Variants in GMDS observed in about 807,000 individuals in gnomAD.
The protein encoded by GMDS is GDP-mannose 4,6-dehydratase, also known as GDP-mannose 4,6 dehydratase.
In GMDS, 20 loss-of-function variants were observed where a neutral mutation model predicts 49.9. The observed-to-expected ratio is 0.40, with a 90% confidence interval of 0.28 to 0.58. GMDS has a LOEUF of 0.58. GMDS is among the 20% of genes least tolerant of loss of function. GMDS has a pLI of 0.42. For synonymous variants in GMDS, 177 were observed against 178.6 expected, an observed-to-expected ratio of 0.99 and a Z score of 0.07; for missense variants, 362 against 481.4, an observed-to-expected ratio of 0.75 and a Z score of 2.32.
At chr6:1,912,103 C>G (rs1761093724) in intron 7 of GMDS, among the ~76,000 whole-genome samples, 1 of 152,214 alleles carries the variant, frequency 6.6e-6, no homozygotes, top group Non-Finnish European at 1.5e-5. Context: ...TGGTGGCTCA[C>G]TTCTCCAATC....
chr6:2,082,664 T>A (rs1027448510), intron 4 of GMDS, among the ~76,000 whole-genome samples: 2 of 152,216 alleles, frequency 1.3e-5, no homozygotes, highest in African/African-American at 4.8e-5. Context: ...TGGTTATGGG[T>A]CACAAAATCA....
At chr6:2,106,680 T>C (rs1055528675) in intron 4 of GMDS, among the ~76,000 whole-genome samples, 1 of 152,052 alleles carries the variant, frequency 6.6e-6, no homozygotes, top group Non-Finnish European at 1.5e-5. Context: ...CTGGCCAACA[T>C]GGTGAAACCC....
chr6:1,958,390 C>T (rs148717092), intron 6 of GMDS, among the ~76,000 whole-genome samples: 8 of 152,082 alleles, frequency 5.3e-5, no homozygotes, highest in East Asian at 1.9e-4. Flanking sequence ...GGGATTACCA[C>T]GACTGAGCAG....
rs1347039946 is a variant in GMDS, at chr6:1,652,399, TA to T, written c.988-27860del. The stretch of plus-strand genomic sequence containing the variant: ...AAAAAAAATATATATATATTATATA[TA>T]TATATATATTATATATAATATATAT... On this transcript the variant is annotated intron_variant, in intron 9 of 10. Transcript: ENST00000380815. 5.2e-3 allele frequency among the ~76,000 whole-genome samples: 26 copies of T among 4,970 alleles called. 3 individuals are homozygous for T. The highest frequency in any genetic ancestry group is 0.013 in the African/African-American group (26 of 1,998). The allele number at this position is 4,970 out of a possible 152,430, so 3.3% of individuals were successfully genotyped here. A position where few individuals can be genotyped will look rare whatever the true frequency, so the allele number is the denominator to read the frequency against.
chr6:1,816,816 TGGA>T (rs1368501767), intron 7 of GMDS, among the ~76,000 whole-genome samples: 2 of 151,492 alleles, frequency 1.3e-5, no homozygotes, highest in African/African-American at 2.4e-5. Context: ...TTTAAAGTGG[TGGA>T]GGTCTTTCTT....
intron 2 of GMDS, among the ~76,000 whole-genome samples, chr6:2,122,869 T>G (rs1775217441): frequency 6.6e-6 from 1 of 152,232 alleles, no homozygotes; most frequent in South Asian, 2.1e-4. Flanking sequence ...CTCCTAAACC[T>G]GTTTTCTCTC....
At chr6:1,879,279 CAAG>C (rs1759249171) in intron 7 of GMDS, among the ~76,000 whole-genome samples, 1 of 151,922 alleles carries the variant, frequency 6.6e-6, no homozygotes, top group Admixed American at 6.6e-5. Flanking sequence ...GACTTGAGCA[CAAG>C]AAGAAAAAAC....
intron 7 of GMDS, among the ~76,000 whole-genome samples, chr6:1,746,324 C>G (rs1767494808): frequency 6.6e-6 from 1 of 152,340 alleles, no homozygotes; most frequent in Non-Finnish European, 1.5e-5. Context: ...TCCTCAAATA[C>G]TTATTTACTT....
chr6:2,068,431 G>A (rs1264517305), intron 4 of GMDS, among the ~76,000 whole-genome samples: 8 of 152,120 alleles, frequency 5.3e-5, no homozygotes, highest in Non-Finnish European at 8.8e-5. Context: ...TTAGGCAGGA[G>A]AAGGAAATAA....
chr6:2,019,445 G>T (rs1445838798), intron 4 of GMDS, among the ~76,000 whole-genome samples: 2 of 151,790 alleles, frequency 1.3e-5, no homozygotes, highest in African/African-American at 4.8e-5. Flanking sequence ...GTTTTTTCTA[G>T]ATCCTCTTTT....
chr6:1,652,419 T>TA (rs1763691165), intron 9 of GMDS, among the ~76,000 whole-genome samples: 1 of 23,936 alleles, frequency 4.2e-5, no homozygotes, highest in African/African-American at 1.7e-4. Flanking sequence ...TTATATATAA[T>TA]ATATATATAA....
In GMDS at chr6:2,123,749, C is replaced by A. The variant is rs149441050; in HGVS notation, c.147+938G>T. Among the ~76,000 whole-genome samples, 260 of 152,296 alleles carry A rather than the reference C, an allele frequency of 1.7e-3. 1 individual carries two copies. The highest frequency in any genetic ancestry group is 4.0e-3 in the African/African-American group (166 of 41,562). Reference sequence around the variant, plus strand: ...AATTCCATTTATTTTCATATAATTACAAAATGTAGCATTAGCTCTTGGATA... The same window carrying A: ...AATTCCATTTATTTTCATATAATTAAAAAATGTAGCATTAGCTCTTGGATA... On this transcript the variant is annotated intron_variant, in intron 2 of 10. Transcript: ENST00000380815.
chr6:1,705,863 G>A lies in GMDS; in HGVS notation c.987+20553C>T, dbSNP rs187385233. 1.6e-3 allele frequency among the ~76,000 whole-genome samples: 240 copies of A among 152,314 alleles called. 2 individuals carry two copies. The highest frequency in any genetic ancestry group is 5.0e-3 in the African/African-American group (208 of 41,568). ...CCATCAAGTTGCAGTCCTGGCAGGC[G>A]GCTGGGCACCCAGCAATCTGGGGCT... On this transcript the variant is annotated intron_variant, in intron 9 of 10. Coordinates refer to ENST00000380815, the MANE Select transcript of GMDS (RefSeq NM_001500.4).
At chr6:2,044,420 A>G (rs1269604515) in intron 4 of GMDS, among the ~76,000 whole-genome samples, 1 of 152,198 alleles carries the variant, frequency 6.6e-6, no homozygotes, top group Non-Finnish European at 1.5e-5. Flanking sequence ...GGGGACATGG[A>G]TGGAGCTGAA....
At chr6:1,983,153 T>C (rs2127349346) in intron 4 of GMDS, among the ~76,000 whole-genome samples, 1 of 152,246 alleles carries the variant, frequency 6.6e-6, no homozygotes, top group East Asian at 1.9e-4. Context: ...TAATAAATGG[T>C]GATGAGAGAA....
At chr6:1,710,867 C>T (rs116182232) in intron 9 of GMDS, among the ~76,000 whole-genome samples, 53 of 152,272 alleles carry the variant, frequency 3.5e-4, no homozygotes, top group Non-Finnish European at 5.9e-4. Flanking sequence ...GAGGGCTTAA[C>T]GACAGACTTG....
intron 7 of GMDS, among the ~76,000 whole-genome samples, chr6:1,748,910 T>TTTC (rs1160017702): frequency 6.6e-6 from 1 of 152,228 alleles, no homozygotes; most frequent in Non-Finnish European, 1.5e-5. Context: ...TTATGTTCCT[T>TTTC]TTCTTCTTCT....
intron 1 of GMDS, among the ~76,000 whole-genome samples, chr6:2,145,310 G>A (rs1430394037): frequency 6.6e-6 from 1 of 152,016 alleles, no homozygotes; most frequent in African/African-American, 2.4e-5. Flanking sequence ...TGAGGCAGGT[G>A]GATTACCTGA....
intron 7 of GMDS, among the ~76,000 whole-genome samples, chr6:1,834,071 T>C (rs929274959): frequency 1.1e-4 from 16 of 152,308 alleles, no homozygotes; most frequent in African/African-American, 3.6e-4. Flanking sequence ...AATTAGCACC[T>C]TAAAATCTAG....
Sources: allele counts gnomAD v4.1 joint callset (sites outside exome capture counted in the v4.1 genomes callset), GRCh38; gene constraint gnomAD v4.1.1; transcripts MANE v1.5; gene names NCBI Gene and HGNC (gene_info 2026-07-23, HGNC 2026-07-21).